NAALADL2: variants seen among roughly 807,000 people sequenced by gnomAD.
NAALADL2 encodes the protein inactive N-acetylated-alpha-linked acidic dipeptidase-like protein 2.
NAALADL2 carries 76 observed loss-of-function variants against 87.2 expected under a neutral mutation model. The ratio of observed to expected loss-of-function variants is 0.87; its 90% CI spans 0.72 to 1.05. NAALADL2 has a LOEUF of 1.05. Among genes scored for constraint, NAALADL2 ranks in the 50% least tolerant of loss-of-function variants. NAALADL2 has a pLI of 0.00. For synonymous variants in NAALADL2, 354 were observed against 331.0 expected (o/e 1.07, Z -0.75); for missense variants, 1,089 against 945.8 (o/e 1.15, Z -1.99).
intron 4 of NAALADL2, among the ~76,000 whole-genome samples, chr3:175,288,056 T>C (rs1947101431): frequency 6.6e-6 from 1 of 152,186 alleles, no homozygotes; most frequent in African/African-American, 2.4e-5. Context: ...AATGTTTAAT[T>C]CGTCAGGATT....
intron 2 of NAALADL2, among the ~76,000 whole-genome samples, chr3:174,583,574 G>A (rs1716391628): frequency 6.6e-6 from 1 of 152,044 alleles, no homozygotes; most frequent in African/African-American, 2.4e-5. Context: ...TACTCCTTAG[G>A]GTCAATTCTA....
At chr3:175,342,873 A>G (rs1342965301) in intron 5 of NAALADL2, among the ~76,000 whole-genome samples, 1 of 152,074 alleles carries the variant, frequency 6.6e-6, no homozygotes, top group Non-Finnish European at 1.5e-5. Context: ...TGTGACTTAT[A>G]CTTTAATCCT....
chr3:175,262,258 A>G (rs1751162014), intron 4 of NAALADL2, among the ~76,000 whole-genome samples: 1 of 152,014 alleles, frequency 6.6e-6, no homozygotes, highest in African/African-American at 2.4e-5. Context: ...TACATGAAGC[A>G]TTTGCATACC....
At chr3:174,669,640 G>T (rs1726331313) in intron 2 of NAALADL2, among the ~76,000 whole-genome samples, 1 of 152,064 alleles carries the variant, frequency 6.6e-6, no homozygotes, top group African/African-American at 2.4e-5. Flanking sequence ...TTTGAGGACT[G>T]TAGCTTTCTG....
At chr3:174,777,439 G>T (rs1366422956) in intron 3 of NAALADL2, among the ~76,000 whole-genome samples, 1 of 152,014 alleles carries the variant, frequency 6.6e-6, no homozygotes. Context: ...AATTGTAATT[G>T]GTTTTAAGAT....
At chr3:175,366,371 C>A (rs947883124) in intron 5 of NAALADL2, among the ~76,000 whole-genome samples, 1 of 151,808 alleles carries the variant, frequency 6.6e-6, no homozygotes, top group Non-Finnish European at 1.5e-5. Flanking sequence ...TGGGTATATA[C>A]CCAGTAATGG....
chr3:174,899,405 G>T (rs1368751308), intron 1 of NAALADL2, among the ~76,000 whole-genome samples: 1 of 152,064 alleles, frequency 6.6e-6, no homozygotes, highest in Non-Finnish European at 1.5e-5. Context: ...TTGGATCATG[G>T]GGGCCAATGT....
At chr3:175,487,539 C>T in intron 9 of NAALADL2, 1 of 456,564 alleles carries the variant, frequency 2.2e-6, no homozygotes, top group South Asian at 1.5e-5. Flanking sequence ...AACCTTAGTT[C>T]CAGGTTTGAT....
chr3:175,093,139 T>TA (rs1476740248), intron 1 of NAALADL2, among the ~76,000 whole-genome samples: 5 of 151,740 alleles, frequency 3.3e-5, no homozygotes, highest in Admixed American at 3.3e-4. Context: ...GCATCAGTAA[T>TA]AAAAAATTGA....
intron 4 of NAALADL2, among the ~76,000 whole-genome samples, chr3:175,288,016 A>G (rs1219138629): frequency 6.6e-6 from 1 of 152,164 alleles, no homozygotes; most frequent in African/African-American, 2.4e-5. Flanking sequence ...ATAACATCTT[A>G]TGATACATCA....
intron 5 of NAALADL2, among the ~76,000 whole-genome samples, chr3:175,348,672 G>A (rs1179470896): frequency 2.0e-5 from 3 of 152,098 alleles, no homozygotes; most frequent in Non-Finnish European, 4.4e-5. Flanking sequence ...TTCCTTCTGT[G>A]TGTGACGGTC....
At chr3:175,655,961 T>C (rs1380779068) in intron 11 of NAALADL2, among the ~76,000 whole-genome samples, 5 of 152,204 alleles carry the variant, frequency 3.3e-5, no homozygotes, top group Non-Finnish European at 7.4e-5. Context: ...TGGAAGAGAC[T>C]GTAGAAATTG....
chr3:175,017,436 C>A (rs1281965068), intron 1 of NAALADL2, among the ~76,000 whole-genome samples: 1 of 152,092 alleles, frequency 6.6e-6, no homozygotes, highest in Non-Finnish European at 1.5e-5. Flanking sequence ...CCAGCCAATT[C>A]TGGCACCATT....
intron 2 of NAALADL2, among the ~76,000 whole-genome samples, chr3:174,591,927 T>C (rs1434180830): frequency 1.3e-5 from 2 of 152,190 alleles, no homozygotes; most frequent in Non-Finnish European, 2.9e-5. Flanking sequence ...CTATCTGACA[T>C]AGGTCTGTGT....
At chr3:174,838,404 G>A (rs1326335156) in intron 3 of NAALADL2, among the ~76,000 whole-genome samples, 3 of 152,156 alleles carry the variant, frequency 2.0e-5, no homozygotes, top group Admixed American at 1.3e-4. Flanking sequence ...ATGGGGAAAA[G>A]TTGAAATCAT....
intron 10 of NAALADL2, among the ~76,000 whole-genome samples, chr3:175,604,489 A>G (rs1582590422): frequency 6.6e-6 from 1 of 151,776 alleles, no homozygotes; most frequent in African/African-American, 2.4e-5. Flanking sequence ...TCTTTTTAGT[A>G]GAGACGGGGT....
chr3:175,319,084 C>T (rs995159244), intron 4 of NAALADL2, among the ~76,000 whole-genome samples: 1 of 152,358 alleles, frequency 6.6e-6, no homozygotes, highest in East Asian at 1.9e-4. Context: ...CTCCCTCCCC[C>T]ACATGGGTGG....
chr3:175,442,091 C>T (rs898671757), intron 5 of NAALADL2, among the ~76,000 whole-genome samples: 2 of 152,056 alleles, frequency 1.3e-5, no homozygotes, highest in African/African-American at 4.8e-5. Context: ...ACTACAGGCG[C>T]ATGCCACCAT....
intron 13 of NAALADL2, among the ~76,000 whole-genome samples, chr3:175,794,764 T>C (rs1753248611): frequency 6.6e-6 from 1 of 152,230 alleles, no homozygotes; most frequent in African/African-American, 2.4e-5. Flanking sequence ...TTGGGTTATA[T>C]CTCTTCAAGA....
Sources: gnomAD v4.1 joint callset for allele counts (sites outside exome capture counted in the v4.1 genomes callset) on GRCh38, gnomAD v4.1.1 for gene constraint, MANE v1.5 for transcripts, NCBI Gene and HGNC (gene_info 2026-07-23, HGNC 2026-07-21) for gene names.